STX2: variants seen among roughly 807,000 people sequenced by gnomAD.
STX2 encodes the protein syntaxin-2.
A neutral mutation model predicts 40.6 loss-of-function variants in STX2; 27 were observed. The ratio of observed to expected loss-of-function variants is 0.66; its 90% CI spans 0.49 to 0.92. The LOEUF (loss-of-function observed/expected upper bound fraction) is 0.92. STX2 is among the 40% of genes least tolerant of loss of function. STX2 has a pLI of 0.00. For missense variants in STX2, 328 were observed against 366.1 expected (o/e 0.90, Z 0.85); for synonymous variants, 123 against 119.1 (o/e 1.03, Z -0.22).
intron 6 of STX2, among the ~76,000 whole-genome samples, chr12:130,801,752 G>A (rs1951235929): frequency 6.6e-6 from 1 of 152,162 alleles, no homozygotes; most frequent in South Asian, 2.1e-4. Context: ...CTGCAGAAAG[G>A]AAATCGGTAA....
chr12:130,803,685 AAAAAC>A (rs1565908064), intron 6 of STX2, among the ~76,000 whole-genome samples: 5 of 139,168 alleles, frequency 3.6e-5, no homozygotes, highest in Non-Finnish European at 4.6e-5. Context: ...AAAAAAAAAA[AAAAAC>A]AAACTAAAAG....
chr12:130,791,984 G>A lies in STX2; in HGVS notation c.*46-7C>T, dbSNP rs910467954. The A allele has an allele frequency of 7.6e-6, 12 of 1,576,356 alleles. No homozygotes were observed. Among genetic ancestry groups the A allele is most frequent in the African/African-American group, 2.7e-5 (2 of 73,956 alleles). On this transcript the variant is annotated splice_region_variant and splice_polypyrimidine_tract_variant and intron_variant, in intron 10 of 10. Transcript: ENST00000392373. ...TAATAATGAACATCAATTTCTGCAA[G>A]ATAAAGAAAAACATTAATTTGCAAT...
At position 130,814,596 on chromosome 12, in the gene STX2, G is replaced by C. The variant is rs147070021; in HGVS notation, c.206-1565C>G. Among the ~76,000 whole-genome samples the C allele has an allele frequency of 5.0e-3, 724 of 144,032 alleles. 2 individuals are homozygous for C. The highest frequency in any genetic ancestry group is 0.018 in the African/African-American group (688 of 39,264). 94.5% of individuals were successfully genotyped at this position (144,032 alleles called of 152,430 possible). A position where few individuals can be genotyped will look rare whatever the true frequency, so the allele number is the denominator to read the frequency against. On this transcript the variant is annotated intron_variant, in intron 3 of 10. Transcript: ENST00000392373. ...TCAGCACTGAAGGTTTCTCAGCAAAGAAAGGCATCAGCAAAGATGCATTAG... is the reference window on the plus strand; with the variant it reads ...TCAGCACTGAAGGTTTCTCAGCAAACAAAGGCATCAGCAAAGATGCATTAG...
chr12:130,808,790 C>A, intron 4 of STX2, 86 bp from the exon 5 acceptor site: 1 of 1,163,758 alleles, frequency 8.6e-7, no homozygotes, highest in South Asian at 1.4e-5. Flanking sequence ...TATTTCTTAT[C>A]TTTGAAGTAT....
At chr12:130,792,082 C>G in intron 10 of STX2, 105 bp from the exon 11 acceptor site, 3 of 720,366 alleles carry the variant, frequency 4.2e-6, no homozygotes, top group Middle Eastern at 7.9e-4. Flanking sequence ...AAAATACATC[C>G]ATTATCAAGA....
chr12:130,819,795 T>C (rs977820558), intron 3 of STX2, among the ~76,000 whole-genome samples: 1 of 152,210 alleles, frequency 6.6e-6, no homozygotes, highest in Admixed American at 6.5e-5. Context: ...TTGATTATTC[T>C]ACGGGTACTG....
Position 130,839,064 on chromosome 12 carries a change from G to A in STX2, c.30+6C>T. 4.5e-6 allele frequency: 6 copies of A among 1,321,596 alleles called. No individual in the cohort carries two copies. Among genetic ancestry groups the A allele is most frequent in the East Asian group, 3.3e-5 (1 of 30,072 alleles). The allele number at this position is 1,321,596 out of a possible 1,614,324, so 81.9% of individuals were successfully genotyped here. ...GCCTGAACCGCTACCCGCGGCTGCCGCTCACCGCCGTCAGGTCTGGCAGCC... is the reference window on the plus strand; with the variant it reads ...GCCTGAACCGCTACCCGCGGCTGCCACTCACCGCCGTCAGGTCTGGCAGCC... On this transcript the variant is annotated splice_donor_region_variant and intron_variant, in intron 1 of 10. Transcript: ENST00000392373.
chr12:130,824,535 G>A (rs893100616), intron 2 of STX2, among the ~76,000 whole-genome samples: 42 of 152,178 alleles, frequency 2.8e-4, no homozygotes, highest in African/African-American at 8.9e-4. Flanking sequence ...ACAGGAGACC[G>A]CAGGGCTATA....
intron 8 of STX2, 85 bp from the exon 9 acceptor site, chr12:130,798,720 T>C (rs1016036480): frequency 9.8e-7 from 1 of 1,021,198 alleles, no homozygotes; most frequent in African/African-American, 1.7e-5. Context: ...ACAAAGGTTT[T>C]ATATAAACAC....
chr12:130,799,467 C>T (rs1193757261), intron 8 of STX2, among the ~76,000 whole-genome samples: 1 of 152,128 alleles, frequency 6.6e-6, no homozygotes, highest in Non-Finnish European at 1.5e-5. Context: ...AATCATCTCT[C>T]GTTCTTTCTG....
chr12:130,812,510 A>G (rs919223648), intron 4 of STX2: 5 of 313,932 alleles, frequency 1.6e-5, no homozygotes, highest in South Asian at 2.5e-5. Context: ...CATTCTGCAA[A>G]AATCAAATAC....
chr12:130,797,567 G>A lies in STX2; in HGVS notation c.786+958C>T, dbSNP rs11061150. 1.1e-3 allele frequency among the ~76,000 whole-genome samples: 164 copies of A among 152,284 alleles called. 1 individual carries two copies. Among genetic ancestry groups the A allele is most frequent in the African/African-American group, 2.6e-3 (109 of 41,568 alleles). On this transcript the variant is annotated intron_variant, in intron 9 of 10. Coordinates refer to ENST00000392373, the MANE Select transcript of STX2 (RefSeq NM_194356.4). Reference sequence around the variant, plus strand: ...TGCGTCTCAGGGCCATCGCCTGGAGGTGCATCCACACACACCGTCTCACTC... The same window carrying A: ...TGCGTCTCAGGGCCATCGCCTGGAGATGCATCCACACACACCGTCTCACTC...
At chr12:130,810,117 C>T (rs1035913165) in intron 4 of STX2, among the ~76,000 whole-genome samples, 1 of 152,096 alleles carries the variant, frequency 6.6e-6, no homozygotes, top group African/African-American at 2.4e-5. Flanking sequence ...AAAAAATAAA[C>T]CTTTAAGTAA....
rs1950853157 is a variant in STX2, at chr12:130,790,574, T to C, written c.*1449A>G. The C allele has an allele frequency of 6.6e-6, 1 of 152,228 alleles. No individual in the cohort carries two copies. Among genetic ancestry groups the C allele is most frequent in the Admixed American group, 6.5e-5 (1 of 15,284 alleles). 9.4% of individuals were successfully genotyped at this position (152,228 alleles called of 1,614,324 possible). On this transcript the variant is annotated 3_prime_UTR_variant, in exon 11 of 11. Coordinates refer to ENST00000392373, the MANE Select transcript of STX2 (RefSeq NM_194356.4). ...AAGGTTTAATTATCATGAATCCCTA[T>C]ACATTTTGGAAATTAACTTTTAAAA...
intron 4 of STX2, among the ~76,000 whole-genome samples, chr12:130,811,926 C>T (rs531811951): frequency 2.6e-5 from 4 of 152,234 alleles, no homozygotes; most frequent in East Asian, 3.9e-4. Context: ...ACAAAAAACA[C>T]CTGAATCAGA....
chr12:130,793,359 T>C (rs2137003345), intron 10 of STX2, among the ~76,000 whole-genome samples: 1 of 152,260 alleles, frequency 6.6e-6, no homozygotes, highest in Middle Eastern at 3.4e-3. Flanking sequence ...TTCTTCCTTT[T>C]CTCTGTGATG....
intron 1 of STX2, among the ~76,000 whole-genome samples, chr12:130,829,043 CAG>C (rs1358058462): frequency 2.0e-5 from 3 of 152,006 alleles, no homozygotes; most frequent in Non-Finnish European, 4.4e-5. Context: ...CCAGGGTCTG[CAG>C]GAGTCAGACC....
chr12:130,814,464 C>T (rs962476078), intron 3 of STX2, among the ~76,000 whole-genome samples: 2 of 151,732 alleles, frequency 1.3e-5, no homozygotes, highest in Admixed American at 6.6e-5. Context: ...CACAGAGCAG[C>T]GGGACGGTGG....
intron 10 of STX2, among the ~76,000 whole-genome samples, chr12:130,795,766 A>G (rs191045936): frequency 6.6e-6 from 1 of 152,168 alleles, no homozygotes; most frequent in Admixed American, 6.5e-5. Flanking sequence ...ACGGGATAAG[A>G]AGGTGACCTT....
Sources: gnomAD v4.1 joint callset for allele counts (sites outside exome capture counted in the v4.1 genomes callset) on GRCh38, gnomAD v4.1.1 for gene constraint, MANE v1.5 for transcripts, NCBI Gene and HGNC (gene_info 2026-07-23, HGNC 2026-07-21) for gene names.